The following REV1 variants were observed in gnomAD, a reference collection of about 807,000 sequenced individuals.
The protein encoded by REV1 is REV1 DNA directed polymerase, also known as translesion synthesis protein REV1.
A neutral mutation model predicts 137.4 loss-of-function variants in REV1; 42 were observed. The ratio of observed to expected loss-of-function variants is 0.31; its 90% CI spans 0.24 to 0.40. REV1 has a LOEUF of 0.40. REV1 is among the 10% of genes least tolerant of loss of function. REV1 has a pLI of 1.00. For missense variants in REV1, 1,282 were observed against 1,490.1 expected (o/e 0.86, Z 2.30); for synonymous variants, 524 against 519.2 (o/e 1.01, Z -0.12).
rs577708688 is a variant in REV1, at chr2:99,404,694, A to G, written c.2812-17T>C. 1.3e-6 allele frequency: 2 copies of G among 1,565,582 alleles called. No individual in the cohort carries two copies. The highest frequency in any genetic ancestry group is 1.1e-5 in the South Asian group (1 of 88,162). ...CTGATCCAGCTATAAAATGCCAAAC[A>G]TATGAGTAGGAAGTTAAAGCATGCT... On this transcript the variant is annotated splice_polypyrimidine_tract_variant and intron_variant, in intron 17 of 22. Coordinates refer to ENST00000258428, the MANE Select transcript of REV1 (RefSeq NM_016316.4).
At chr2:99,402,551 G>T in intron 21 of REV1, 93 bp downstream of exon 21, 1 of 1,246,596 alleles carries the variant, frequency 8.0e-7, no homozygotes, top group South Asian at 1.4e-5. Context: ...TTAGAGAAAT[G>T]GGTTAAATCT....
At chr2:99,446,299 A>T (rs1682196972) in intron 4 of REV1, among the ~76,000 whole-genome samples, 6 of 152,186 alleles carry the variant, frequency 3.9e-5, no homozygotes, top group Admixed American at 3.9e-4. Context: ...GGCCCATAGG[A>T]TATATAATCA....
intron 1 of REV1, among the ~76,000 whole-genome samples, chr2:99,473,032 C>T (rs969953160): frequency 3.3e-5 from 5 of 152,098 alleles, no homozygotes; most frequent in Non-Finnish European, 7.3e-5. Flanking sequence ...ACAAACTAGT[C>T]AGGTTTTGAT....
In REV1 at chr2:99,408,041, T is replaced by A; in HGVS notation, c.2436A>T (p.Ser812=). Residue 812 remains serine, a synonymous_variant, in exon 15 of 23, where the codon TCA becomes TCT. Coordinates refer to ENST00000258428, the MANE Select transcript of REV1 (RefSeq NM_016316.4). The part of the protein sequence containing the change: ...NMFHTMKLNI[S]DMRGVGIHVN... The stretch of plus-strand genomic sequence containing the variant: ...ACTATATACTTACCCCTCTCATATC[T>A]GATATATTTAGTTTCATTGTATGAA... 2 of 1,580,284 alleles carry A rather than the reference T, an allele frequency of 1.3e-6. No homozygotes were observed. The highest frequency in any genetic ancestry group is 4.5e-5 in the East Asian group (2 of 44,236).
chr2:99,435,117 T>C (rs1160638279), intron 7 of REV1, among the ~76,000 whole-genome samples: 1 of 152,198 alleles, frequency 6.6e-6, no homozygotes, highest in Admixed American at 6.5e-5. Flanking sequence ...TGAAAATCAA[T>C]TATTTAACAT....
intron 1 of REV1, among the ~76,000 whole-genome samples, chr2:99,489,189 A>T (rs571032573): frequency 4.5e-4 from 69 of 152,302 alleles, no homozygotes; most frequent in Non-Finnish European, 9.1e-4. Flanking sequence ...CAGCGTATTT[A>T]GCGAACGGAC....
chr2:99,428,617 C>T (rs915935589), intron 9 of REV1, among the ~76,000 whole-genome samples: 2 of 152,056 alleles, frequency 1.3e-5, no homozygotes, highest in African/African-American at 4.8e-5. Flanking sequence ...TTAAAAAAAA[C>T]TATTATGATT....
rs746639186 is a variant in REV1 at position 99,421,573 on chromosome 2, G to C, written c.1757C>G (p.Thr586Ser). Reference protein sequence around the residue: ...ITEILAETKLTPDEFANAVRM... With the variant: ...ITEILAETKLSPDEFANAVRM... ...AACAGCATTTGCAAATTCATCAGGA[G>C]TAAGTTTGGTCTCTGCAAGGATTTC... is the stretch of plus-strand genomic sequence containing the variant. Residue 586 changes from threonine (T) to serine (S), a missense_variant, in exon 11 of 23, where the codon ACT becomes AGT. This residue lies in a region of REV1 where 372 missense variants were observed against 482.3 expected (regional missense o/e 0.77). Transcript: ENST00000258428. The C allele has an allele frequency of 1.2e-6, 2 of 1,614,114 alleles. No individual in the cohort carries two copies. The highest frequency in any genetic ancestry group is 2.2e-5 in the South Asian group (2 of 91,070).
At chr2:99,402,477 T>G (rs1398437715) in intron 21 of REV1, 131 bp from the exon 22 acceptor site, 1 of 838,500 alleles carries the variant, frequency 1.2e-6, no homozygotes, top group African/African-American at 1.7e-5. Flanking sequence ...TGGGCTTTGT[T>G]ACTTTTCAAA....
At chr2:99,435,811 A>T in intron 7 of REV1, 23 bp downstream of exon 7, 1 of 1,231,410 alleles carries the variant, frequency 8.1e-7, no homozygotes, top group Non-Finnish European at 1.2e-6. Flanking sequence ...CAGTTTTCTT[A>T]AAACATAAGC....
At position 99,461,713 on chromosome 2, in the gene REV1, G is replaced by A. The variant is rs536340576; in HGVS notation, c.181+783C>T. On this transcript the variant is annotated intron_variant, in intron 3 of 22. Transcript: ENST00000258428. The stretch of plus-strand genomic sequence containing the variant: ...GTGCTAACTGACTTTACAGTTCAGC[G>A]AAAGATAAAACTGAAGCTGGCCATA... Among the ~76,000 whole-genome samples, 46 of 152,306 alleles carry A rather than the reference G, an allele frequency of 3.0e-4. No individual in the cohort carries two copies. The South Asian group carries it at 7.3e-3, about 24-fold the overall frequency.
intron 8 of REV1, chr2:99,431,846 A>T: frequency 1.0e-6 from 1 of 985,442 alleles, no homozygotes; most frequent in Non-Finnish European, 1.2e-6. Flanking sequence ...ACTGGAGGGC[A>T]AAGTAGAGAA....
intron 4 of REV1, 93 bp downstream of exon 4, chr2:99,449,243 C>T (rs561530995): frequency 8.7e-4 from 625 of 714,708 alleles, no homozygotes; most frequent in Admixed American, 3.3e-3. Flanking sequence ...CTAGCCTGGG[C>T]GACAAAGCGA....
At chr2:99,453,369 A>G (rs1245764476) in intron 3 of REV1, among the ~76,000 whole-genome samples, 2 of 151,820 alleles carry the variant, frequency 1.3e-5, no homozygotes, top group Non-Finnish European at 2.9e-5. Flanking sequence ...AAAAAAAAAA[A>G]GAATTATGTG....
chr2:99,410,664 A>C (rs758874041), intron 14 of REV1, 31 bp downstream of exon 14: 1 of 1,544,654 alleles, frequency 6.5e-7, no homozygotes. Context: ...CTGAAATATA[A>C]TTACCAATAT....
intron 1 of REV1, among the ~76,000 whole-genome samples, chr2:99,486,189 C>T (rs1250992106): frequency 1.3e-5 from 2 of 152,178 alleles, no homozygotes; most frequent in African/African-American, 4.8e-5. Context: ...AATACAAAAT[C>T]CTAAGTGAAC....
chr2:99,472,571 G>C (rs1299477350), intron 1 of REV1, among the ~76,000 whole-genome samples: 1 of 152,212 alleles, frequency 6.6e-6, no homozygotes, highest in Admixed American at 6.5e-5. Context: ...AAGTAGTTCT[G>C]AAGCTGGAAA....
Position 99,401,242 on chromosome 2 carries a change from T to C in REV1, c.3755A>G (p.Ter1252=). ...GAGCATCAGGCTCTCTGGTAATATT[T>C]ATGTAACTTTTAATGTGCTTCCATA... is the stretch of plus-strand genomic sequence containing the variant. ...QTYGSTLKVT[*] The change falls in exon 23 of 23, where the codon TAA becomes TGA. Residue 1252 remains the stop codon, a stop_retained_variant. Transcript: ENST00000258428. The C allele has an allele frequency of 6.3e-7, 1 of 1,589,780 alleles. No homozygotes were observed. The highest frequency in any genetic ancestry group is 1.3e-5 in the African/African-American group (1 of 74,510).
intron 1 of REV1, among the ~76,000 whole-genome samples, chr2:99,473,793 C>T (rs957863036): frequency 6.6e-6 from 1 of 152,196 alleles, no homozygotes; most frequent in Admixed American, 6.5e-5. Context: ...GCACTCTCCA[C>T]AGAAAAAATT....
Sources: allele counts gnomAD v4.1 joint callset (sites outside exome capture counted in the v4.1 genomes callset), GRCh38; gene constraint gnomAD v4.1.1; regional missense constraint gnomAD v4.1.1; transcripts MANE v1.5; gene names NCBI Gene and HGNC (gene_info 2026-07-23, HGNC 2026-07-21).